WDR43: variants seen among roughly 807,000 people sequenced by gnomAD.
The protein encoded by WDR43 is WD repeat domain 43.
Under a neutral mutation model 91.4 loss-of-function variants are expected in WDR43, and 13 were observed. The ratio of observed to expected loss-of-function variants is 0.14; its 90% CI spans 0.09 to 0.23. The LOEUF is 0.23. WDR43 is among the 10% of genes least tolerant of loss of function. The pLI, the probability that WDR43 is intolerant of heterozygous loss-of-function variation, is 1.00. For missense variants in WDR43, 780 were observed against 809.4 expected (o/e 0.96, Z 0.44); for synonymous variants, 331 against 287.9 (o/e 1.15, Z -1.51).
At chr2:28,900,476 T>C (rs894263204) in intron 1 of WDR43, among the ~76,000 whole-genome samples, 1 of 152,150 alleles carries the variant, frequency 6.6e-6, no homozygotes, top group Non-Finnish European at 1.5e-5. Flanking sequence ...GCCACCACAC[T>C]CAGCCTTCTT....
In WDR43 at chr2:28,894,800, C is replaced by G. The variant is rs761118911; in HGVS notation, c.102C>G (p.Thr34=). 6.2e-7 allele frequency: 1 copy of G among 1,610,210 alleles called. No individual in the cohort carries two copies. The highest frequency in any genetic ancestry group is 1.3e-5 in the African/African-American group (1 of 74,890). ...AGGCCTACTTCGCTTTGGCCTCTAC[C>G]GACGGTCACTTACGAGTATGGGAGA... ...HSQAYFALAS[T]DGHLRVWETA... Residue 34 remains threonine (T), a synonymous_variant, in exon 1 of 18, where the codon ACC becomes ACG. Transcript: ENST00000407426.
Position 28,906,475 on chromosome 2 carries a change from A to C in WDR43, c.379A>C (p.Asn127His), listed in dbSNP as rs1384426686. 2.5e-6 allele frequency: 4 copies of C among 1,569,612 alleles called. No individual in the cohort carries two copies. The highest frequency in any genetic ancestry group is 1.7e-4 in the Middle Eastern group (1 of 6,008). The change falls in exon 3 of 18, where the codon AAC (asparagine) becomes CAC (histidine). Residue 127 changes from asparagine (N) to histidine (H), a missense_variant. Asn to His is a moderately conservative substitution (Grantham distance 68, BLOSUM62 1). Around this residue, in one of 4 missense-constraint regions of WDR43, gnomAD observed 174 missense variants for 207.3 expected, o/e 0.84. Transcript: ENST00000407426. ...TAATCTACAGAGTGGTGGACATGAC[A>C]ACAGAGTCAACTGCATACAGTGGCA... ...HSKLISGGHD[N>H]RVNCIQWHQD...
chr2:28,919,597 A>G (rs13007798), intron 6 of WDR43, among the ~76,000 whole-genome samples: 23,714 of 151,874 alleles, frequency 0.16, 2,345 homozygotes, highest in Non-Finnish European at 0.22. Flanking sequence ...TGGAGCTTGC[A>G]GTGAGCCGAG....
intron 3 of WDR43, among the ~76,000 whole-genome samples, chr2:28,907,351 A>G (rs1227849880): frequency 1.3e-5 from 2 of 150,826 alleles, no homozygotes; most frequent in Non-Finnish European, 2.9e-5. Flanking sequence ...GGCCAAGTGC[A>G]GTGGCTCATG....
intron 4 of WDR43, 140 bp from the exon 5 acceptor site, chr2:28,913,929 G>T: frequency 1.0e-6 from 1 of 970,964 alleles, no homozygotes; most frequent in East Asian, 2.5e-5. Context: ...TATTTGCTTA[G>T]AATTGAATTG....
chr2:28,928,371 G>A (rs1671182186), intron 10 of WDR43, among the ~76,000 whole-genome samples: 1 of 151,978 alleles, frequency 6.6e-6, no homozygotes, highest in African/African-American at 2.4e-5. Context: ...TTATTGGGTG[G>A]TGGGGTGGGG....
intron 1 of WDR43, 111 bp from the exon 2 acceptor site, chr2:28,901,876 T>C: frequency 9.3e-7 from 1 of 1,074,212 alleles, no homozygotes; most frequent in Non-Finnish European, 1.3e-6. Context: ...GCTTCTCTCT[T>C]CCCCCCTTTT....
At chr2:28,913,471 A>G (rs2148184904) in intron 4 of WDR43, among the ~76,000 whole-genome samples, 1 of 152,352 alleles carries the variant, frequency 6.6e-6, no homozygotes, top group African/African-American at 2.4e-5. Context: ...CTGGGAGTAT[A>G]GGCGCTTGCC....
intron 7 of WDR43, among the ~76,000 whole-genome samples, chr2:28,923,342 A>G (rs1671071811): frequency 1.3e-5 from 2 of 152,284 alleles, no homozygotes; most frequent in South Asian, 4.1e-4. Context: ...GTTTTGATAG[A>G]CAGGGGAGTA....
chr2:28,896,582 G>A (rs938514374), intron 1 of WDR43, among the ~76,000 whole-genome samples: 1 of 152,094 alleles, frequency 6.6e-6, no homozygotes, highest in African/African-American at 2.4e-5. Flanking sequence ...TAGAACTCAG[G>A]TCCTTAAGAG....
In WDR43 at chr2:28,941,586, A is replaced by G. The variant is rs753057575; in HGVS notation, c.1734+12A>G. 1.9e-6 allele frequency: 3 copies of G among 1,588,076 alleles called. No individual in the cohort carries two copies. On this transcript the variant is annotated intron_variant, in intron 15 of 17. Transcript: ENST00000407426. ...TTCTAATTACACAAGTGAGTAAATC[A>G]TATTGTTCTGGGCTAAAACTTTTGG...
chr2:28,913,916 C>T (rs371348407), intron 4 of WDR43, among the ~76,000 whole-genome samples, 153 bp from the exon 5 acceptor site: 6 of 152,216 alleles, frequency 3.9e-5, no homozygotes, highest in African/African-American at 1.4e-4. Flanking sequence ...GCACAAATAA[C>T]CTTATTTGCT....
intron 10 of WDR43, 117 bp downstream of exon 10, chr2:28,927,817 C>T (rs1671170992): frequency 2.3e-6 from 3 of 1,302,724 alleles, no homozygotes; most frequent in Non-Finnish European, 3.2e-6. Context: ...TGAGATTTCT[C>T]CTGTTATGCT....
intron 7 of WDR43, among the ~76,000 whole-genome samples, chr2:28,923,354 T>C (rs943702087): frequency 6.6e-6 from 1 of 152,196 alleles, no homozygotes; most frequent in Non-Finnish European, 1.5e-5. Context: ...AGGGGAGTAT[T>C]GTTGTCAGGT....
chr2:28,899,664 C>T (rs1471375285), intron 1 of WDR43, among the ~76,000 whole-genome samples: 1 of 152,152 alleles, frequency 6.6e-6, no homozygotes, highest in Non-Finnish European at 1.5e-5. Flanking sequence ...ACAGAAGTTT[C>T]TCATCTATAA....
intron 1 of WDR43, among the ~76,000 whole-genome samples, chr2:28,897,589 G>T (rs894079066): frequency 2.0e-5 from 3 of 152,266 alleles, no homozygotes. Flanking sequence ...ATCTGGACTC[G>T]TTTTACCATT....
chr2:28,911,695 G>T (rs919247487), intron 3 of WDR43, among the ~76,000 whole-genome samples: 2 of 143,676 alleles, frequency 1.4e-5, no homozygotes, highest in Non-Finnish European at 3.0e-5. Context: ...GCAGTGGTGC[G>T]ATCTTGGCTC....
chr2:28,901,907 G>T (rs1488843561), intron 1 of WDR43, 80 bp from the exon 2 acceptor site: 2 of 1,359,496 alleles, frequency 1.5e-6, no homozygotes, highest in African/African-American at 3.0e-5. Flanking sequence ...TTGTGGGCTG[G>T]TGGGCATTTG....
Position 28,914,063 on chromosome 2 carries a change from CT to C in WDR43, c.607-5del. ...GCTCTCCTAACTGAGATTTAACTTTCTCTAGCATTTCACAGGACATGCAACG... is the reference window on the plus strand; with the variant it reads ...GCTCTCCTAACTGAGATTTAACTTTCCTAGCATTTCACAGGACATGCAACG... On this transcript the variant is annotated splice_region_variant and splice_polypyrimidine_tract_variant and intron_variant, in intron 4 of 17. Transcript: ENST00000407426. The C allele has an allele frequency of 1.9e-6, 3 of 1,611,182 alleles. No individual in the cohort carries two copies. The South Asian group carries it at 3.3e-5, about 18-fold the overall frequency.
Sources: gnomAD v4.1 joint callset for allele counts (sites outside exome capture counted in the v4.1 genomes callset) on GRCh38, gnomAD v4.1.1 for gene constraint, gnomAD v4.1.1 regional missense constraint, MANE v1.5 for transcripts, NCBI Gene and HGNC (gene_info 2026-07-23, HGNC 2026-07-21) for gene names.